The following KLK4 variants were observed in gnomAD, a reference collection of about 807,000 sequenced individuals.
KLK4 encodes kallikrein-4.
KLK4 carries 24 observed loss-of-function variants against 24.3 expected under a neutral mutation model. The ratio of observed to expected loss-of-function variants is 0.99; its 90% CI spans 0.72 to 1.39. KLK4 has a LOEUF of 1.39. KLK4 is among the 40% of genes most tolerant of loss of function. The pLI, the probability that KLK4 is intolerant of heterozygous loss-of-function variation, is 0.00. For synonymous variants in KLK4, 142 were observed against 138.8 expected, an observed-to-expected ratio of 1.02 and a Z score of -0.16; for missense variants, 344 against 327.4, an observed-to-expected ratio of 1.05 and a Z score of -0.39.
chr19:50,909,447 A>G (rs2123516169), intron 2 of KLK4, 33 bp from the exon 3 acceptor site: 1 of 1,611,016 alleles, frequency 6.2e-7, no homozygotes, highest in East Asian at 2.2e-5. Context: ...GATCGGGACC[A>G]GGAGGCGGGC....
chr19:50,907,993 T>G, intron 5 of KLK4: 1 of 371,840 alleles, frequency 2.7e-6, no homozygotes, highest in Non-Finnish European at 5.1e-6. Context: ...ACTATTTATG[T>G]TATTGGTAAG....
Position 50,910,725 on chromosome 19 carries a change from C to T in KLK4, c.14G>A (p.Gly5Glu). The change falls in exon 2 of 6, where the codon GGA becomes GAA. Residue 5 changes from glycine to glutamate, a missense_variant. By Grantham distance (98) the Gly-to-Glu change is moderately conservative. Transcript: ENST00000324041. The surrounding 1 kb of genome is among the most constrained non-coding windows in gnomAD (Gnocchi z 4.4). ...CCCCAGGAACCAGCCCCAGGGATTTCCTGCTGTGGCCATCACGTCAGCACC... is the reference window on the plus strand; with the variant it reads ...CCCCAGGAACCAGCCCCAGGGATTTTCTGCTGTGGCCATCACGTCAGCACC... 2 of 1,553,982 alleles carry T rather than the reference C, an allele frequency of 1.3e-6. No individual in the cohort carries two copies. The highest frequency in any genetic ancestry group is 2.7e-5 in the African/African-American group (2 of 73,334).
Position 50,910,638 on chromosome 19 carries a change from C to T in KLK4, c.61+40G>A. 1 of 1,534,300 alleles carries T rather than the reference C, an allele frequency of 6.5e-7. No homozygotes were observed. Among genetic ancestry groups the T allele is most frequent in the Non-Finnish European group, 8.8e-7 (1 of 1,131,008 alleles). On this transcript the variant is annotated intron_variant, in intron 2 of 5. Coordinates refer to ENST00000324041, the Ensembl canonical transcript of KLK4. The surrounding 1 kb of genome is among the most constrained non-coding windows in gnomAD (Gnocchi z 4.4). ...ACCTGAACATTAACAAACACTGTGC[C>T]CCCAAGCACGGACAGACACACACAC...
Position 50,909,249 on chromosome 19 carries a change from C to A in KLK4, c.224+3G>T. On this transcript the variant is annotated splice_donor_region_variant and intron_variant, in intron 3 of 5. Transcript: ENST00000324041. The stretch of plus-strand genomic sequence containing the variant: ...TGCCCACTCCCCCTACCTCTGCACT[C>A]ACTTCTGGAAACAGTGTGCGGCTGA... 1 of 1,614,112 alleles carries A rather than the reference C, an allele frequency of 6.2e-7. No homozygotes were observed. The highest frequency in any genetic ancestry group is 8.5e-7 in the Non-Finnish European group (1 of 1,180,016).
rs551550253 is a variant in KLK4, at chr19:50,910,484, C to G, written c.61+194G>C. Among the ~76,000 whole-genome samples, 2 of 152,158 alleles carry G rather than the reference C, an allele frequency of 1.3e-5. No homozygotes were observed. Among genetic ancestry groups the G allele is most frequent in the African/African-American group, 4.8e-5 (2 of 41,496 alleles). ...GAGTCTCACAGGTACAACCACACACCCAGGCACACTGCCACACACAAATTT... is the reference window on the plus strand; with the variant it reads ...GAGTCTCACAGGTACAACCACACACGCAGGCACACTGCCACACACAAATTT... On this transcript the variant is annotated intron_variant, in intron 2 of 5. Coordinates refer to ENST00000324041, the Ensembl canonical transcript of KLK4. This position sits in a 1 kb window ranked among gnomAD's most constrained non-coding sequence, Gnocchi z 4.4.
chr19:50,909,350 C>T (rs1340973742), exon 3 of KLK4: 3 of 1,614,232 alleles, frequency 1.9e-6, no homozygotes, highest in Admixed American at 3.3e-5. Context: ...CCTGCCAGGG[C>T]TGCGAGTGCG....
At chr19:50,908,143 T>G in intron 5 of KLK4, 1 of 631,494 alleles carries the variant, frequency 1.6e-6, no homozygotes, top group Non-Finnish European at 2.8e-6. Flanking sequence ...GTGTGTGTGT[T>G]TCTGCCTCCC....
chr19:50,907,892 A>C, intron 5 of KLK4: 1 of 245,946 alleles, frequency 4.1e-6, no homozygotes, highest in Non-Finnish European at 8.0e-6. Flanking sequence ...CAACAATTTA[A>C]AAAAATTCAC....
In KLK4 at chr19:50,911,327, C is replaced by CA. The variant is rs1426764586; in HGVS notation, c.-12+11dup. Among the ~76,000 whole-genome samples the CA allele has an allele frequency of 2.0e-5, 3 of 152,196 alleles. No individual in the cohort carries two copies. The highest frequency in any genetic ancestry group is 7.2e-5 in the African/African-American group (3 of 41,444). On this transcript the variant is annotated intron_variant, in intron 1 of 5. Coordinates refer to ENST00000324041, the Ensembl canonical transcript of KLK4. The stretch of plus-strand genomic sequence containing the variant: ...CTGCAGGCTTTTAGTGGGGGACCAC[C>CA]AGGCCTCTTACCCGGCCACCTCTGG...
At chr19:50,909,829 G>C (rs987236181) in intron 2 of KLK4, among the ~76,000 whole-genome samples, 1 of 151,916 alleles carries the variant, frequency 6.6e-6, no homozygotes, top group South Asian at 2.1e-4. Flanking sequence ...CCTGGGAGGA[G>C]AGTCAGGGCA....
intron 5 of KLK4, chr19:50,908,151 C>A: frequency 1.5e-6 from 1 of 656,816 alleles, no homozygotes; most frequent in Admixed American, 2.5e-5. Flanking sequence ...GTTTCTGCCT[C>A]CCCATGTCTG....
chr19:50,909,296 C>G, exon 3 of KLK4: 2 of 1,614,238 alleles, frequency 1.2e-6, no homozygotes, highest in East Asian at 4.5e-5. Context: ...GCGGATGCAC[C>G]AGGACGCCCG....
At chr19:50,908,637 C>T (rs919423328) in exon 4 of KLK4, 1 of 1,614,098 alleles carries the variant, frequency 6.2e-7, no homozygotes, top group African/African-American at 1.3e-5. Flanking sequence ...TAGGGCACTG[C>T]GAAGCAATGC....
At chr19:50,907,923 A>G (rs1231056220) in intron 5 of KLK4, 5 of 284,552 alleles carry the variant, frequency 1.8e-5, no homozygotes, top group Non-Finnish European at 3.4e-5. Flanking sequence ...TGTAGCTTAG[A>G]AATATCAAAA....
At chr19:50,907,960 G>A (rs955006789) in intron 5 of KLK4, 22 of 322,974 alleles carry the variant, frequency 6.8e-5, no homozygotes, top group African/African-American at 4.7e-4. Context: ...TATCATGAAT[G>A]CATAAAACGT....
chr19:50,906,749 G>A (rs1422472258), exon 6 of KLK4: 9 of 579,140 alleles, frequency 1.6e-5, no homozygotes, highest in Admixed American at 2.7e-5. Context: ...AGGAGGGGCT[G>A]GGGGGTCTGG....
At position 50,907,160 on chromosome 19, in the gene KLK4, T is replaced by A; in HGVS notation, c.613-74A>T. 9.7e-6 allele frequency: 14 copies of A among 1,445,204 alleles called. No homozygotes were observed. The South Asian group carries it at 1.1e-4, about 12-fold the overall frequency. The allele number at this position is 1,445,204 out of a possible 1,614,324, so 89.5% of individuals were successfully genotyped here. ...AATGGATGTGGGCTCAGAAAGGAAC[T>A]AAATGAGACTGAGAAACAAAGACAG... On this transcript the variant is annotated intron_variant, in intron 5 of 5. Transcript: ENST00000324041.
chr19:50,909,574 C>A (rs1186382581), intron 2 of KLK4, among the ~76,000 whole-genome samples, 160 bp from the exon 3 acceptor site: 2 of 135,402 alleles, frequency 1.5e-5, no homozygotes, highest in Admixed American at 1.5e-4. Flanking sequence ...GGGCCCAGGG[C>A]TCTTGGGGGA....
intron 5 of KLK4, chr19:50,908,037 GT>G: frequency 4.5e-6 from 2 of 446,442 alleles, no homozygotes; most frequent in East Asian, 4.4e-5. Context: ...TTCTAGTCAG[GT>G]TTTTGGGGAG....
Sources: allele counts gnomAD v4.1 joint callset (sites outside exome capture counted in the v4.1 genomes callset), GRCh38; gene constraint gnomAD v4.1.1; non-coding constraint Gnocchi (gnomAD v3.1); transcripts MANE v1.5; gene names NCBI Gene and HGNC (gene_info 2026-07-23, HGNC 2026-07-21).